The following CPNE4 variants were observed in gnomAD, a reference collection of about 807,000 sequenced individuals.
CPNE4 encodes the protein copine-4.
A neutral mutation model predicts 67.9 loss-of-function variants in CPNE4; 25 were observed. That is an observed-to-expected ratio of 0.37 (90% confidence interval 0.27 to 0.51). The LOEUF (loss-of-function observed/expected upper bound fraction) is 0.51. Among genes scored for constraint, CPNE4 ranks in the 20% least tolerant of loss-of-function variants. The pLI is 0.93. For synonymous variants in CPNE4, 242 were observed against 244.9 expected (o/e 0.99, Z 0.11); for missense variants, 464 against 690.8 (o/e 0.67, Z 3.68).
chr3:131,973,756 T>C (rs2072568118), intron 1 of CPNE4, among the ~76,000 whole-genome samples: 2 of 152,212 alleles, frequency 1.3e-5, no homozygotes, highest in Non-Finnish European at 2.9e-5. Context: ...AGTGGAAGAA[T>C]GGGCATGAAT....
chr3:131,937,841 C>T (rs1055552224), intron 1 of CPNE4, among the ~76,000 whole-genome samples: 11 of 151,786 alleles, frequency 7.2e-5, no homozygotes, highest in African/African-American at 2.4e-4. Context: ...ACAAAGTTAA[C>T]CAATAAGAAA....
At chr3:131,683,868 G>A (rs907696583) in intron 6 of CPNE4, among the ~76,000 whole-genome samples, 7 of 152,112 alleles carry the variant, frequency 4.6e-5, no homozygotes, top group African/African-American at 1.4e-4. Flanking sequence ...GGCTAGGACT[G>A]GTTTAAATTC....
At position 132,024,940 on chromosome 3, in the gene CPNE4, G is replaced by A. The variant is rs1478317313; in HGVS notation, c.-2+9627C>T. Among the ~76,000 whole-genome samples the A allele has an allele frequency of 3.3e-5, 5 of 152,108 alleles. No homozygotes were observed. In the East Asian group the frequency reaches 9.6e-4, roughly 29 times the overall value. ...ACATAAAGTAAATATTTAAGGCACT[G>A]GTTCCCAAAGTGTGGTGTCCAAACT... On this transcript the variant is annotated intron_variant, in intron 1 of 15. Transcript: ENST00000429747.
intron 15 of CPNE4, among the ~76,000 whole-genome samples, chr3:131,539,724 G>A (rs939379001): frequency 4.6e-5 from 7 of 152,288 alleles, no homozygotes; most frequent in Admixed American, 1.3e-4. Flanking sequence ...ATGCAGAGGG[G>A]AGAGAGGGTG....
rs182065592 is a variant in CPNE4 at position 131,675,688 on chromosome 3, G to T, written c.592-5924C>A. On this transcript the variant is annotated intron_variant, in intron 6 of 15. Transcript: ENST00000429747. Reference sequence around the variant, plus strand: ...TTTTCCATCCTTTTATTTTTAGTCTGTCTCTTTATAGGTAAAGTGTATTTT... The same window carrying T: ...TTTTCCATCCTTTTATTTTTAGTCTTTCTCTTTATAGGTAAAGTGTATTTT... Among the ~76,000 whole-genome samples, 40 of 151,820 alleles carry T rather than the reference G, an allele frequency of 2.6e-4. 1 individual carries two copies. The highest frequency in any genetic ancestry group is 9.2e-4 in the African/African-American group (38 of 41,438).
At chr3:131,735,213 G>C (rs974437786) in intron 2 of CPNE4, among the ~76,000 whole-genome samples, 1 of 152,202 alleles carries the variant, frequency 6.6e-6, no homozygotes, top group Non-Finnish European at 1.5e-5. Flanking sequence ...ACTAGGCCAT[G>C]CCAGGAAATG....
At chr3:131,642,208 A>C (rs2079558805) in intron 7 of CPNE4, among the ~76,000 whole-genome samples, 1 of 152,246 alleles carries the variant, frequency 6.6e-6, no homozygotes, top group African/African-American at 2.4e-5. Context: ...AGAATATTCA[A>C]ATATCTCCAG....
intron 2 of CPNE4, among the ~76,000 whole-genome samples, chr3:131,792,629 ATACACACGTGTATATATG>A (rs1408287545): frequency 4.8e-5 from 5 of 104,394 alleles, no homozygotes; most frequent in African/African-American, 1.6e-4. Context: ...GTATATATAT[ATACACACGTGTATATATG>A]TATATATACA....
At chr3:131,948,101 CT>C (rs2071613345) in intron 1 of CPNE4, among the ~76,000 whole-genome samples, 1 of 152,086 alleles carries the variant, frequency 6.6e-6, no homozygotes. Flanking sequence ...ACTTTTACTT[CT>C]TTGGGTAGAT....
Position 131,728,982 on chromosome 3 carries a change from T to C in CPNE4, c.181-5357A>G, listed in dbSNP as rs139040871. ...AAACAATTCAAGACTATTTGTACAA[T>C]GGCCATCTATTCTCTGGGACTTCCA... On this transcript the variant is annotated intron_variant, in intron 2 of 15. Coordinates refer to ENST00000429747, the MANE Select transcript of CPNE4 (RefSeq NM_130808.3). Among the ~76,000 whole-genome samples the C allele has an allele frequency of 5.5e-3, 836 of 151,204 alleles. 7 individuals carry two copies. Among genetic ancestry groups the C allele is most frequent in the African/African-American group, 0.02 (802 of 41,128 alleles).
chr3:131,672,845 G>A (rs2080458745), intron 6 of CPNE4, among the ~76,000 whole-genome samples: 1 of 151,722 alleles, frequency 6.6e-6, no homozygotes, highest in African/African-American at 2.4e-5. Flanking sequence ...TTAACTTGAT[G>A]TGATCCCCTT....
At chr3:131,824,710 G>C (rs922042577) in intron 2 of CPNE4, among the ~76,000 whole-genome samples, 3 of 152,144 alleles carry the variant, frequency 2.0e-5, no homozygotes, top group African/African-American at 7.2e-5. Flanking sequence ...TGGGGTGTCT[G>C]TTGTTTTGTA....
At chr3:131,792,619 G>GTGTA (rs1312726310) in intron 2 of CPNE4, among the ~76,000 whole-genome samples, 2 of 56,988 alleles carry the variant, frequency 3.5e-5, no homozygotes, top group African/African-American at 5.6e-5. Context: ...GTGTATATAT[G>GTGTA]TATATATATA....
intron 9 of CPNE4, among the ~76,000 whole-genome samples, chr3:131,578,145 C>T (rs1937597611): frequency 6.6e-6 from 1 of 152,080 alleles, no homozygotes; most frequent in Non-Finnish European, 1.5e-5. Flanking sequence ...TTGCATTGAG[C>T]AATACTATTG....
chr3:131,700,936 C>G (rs2107704742), intron 3 of CPNE4, among the ~76,000 whole-genome samples: 1 of 152,044 alleles, frequency 6.6e-6, no homozygotes, highest in East Asian at 1.9e-4. Flanking sequence ...GAGTTCATGT[C>G]CTTTGTAGGG....
chr3:132,034,227 C>A (rs569581426), intron 1 of CPNE4, among the ~76,000 whole-genome samples: 1 of 151,968 alleles, frequency 6.6e-6, no homozygotes, highest in African/African-American at 2.4e-5. Flanking sequence ...TTTTGAAAAC[C>A]GTACCCCTTC....
At chr3:131,806,551 A>G (rs2084321074) in intron 2 of CPNE4, among the ~76,000 whole-genome samples, 1 of 107,612 alleles carries the variant, frequency 9.3e-6, no homozygotes, top group Admixed American at 9.1e-5. Context: ...CTCCGTCTCA[A>G]AAAAAAAAAA....
chr3:131,964,421 C>G (rs539093484), intron 1 of CPNE4, among the ~76,000 whole-genome samples: 2 of 151,872 alleles, frequency 1.3e-5, no homozygotes, highest in Non-Finnish European at 2.9e-5. Flanking sequence ...ATAACAAACT[C>G]CTCTGAGCTA....
At chr3:131,946,239 A>C (rs2071548496) in intron 1 of CPNE4, among the ~76,000 whole-genome samples, 1 of 151,972 alleles carries the variant, frequency 6.6e-6, no homozygotes, top group Non-Finnish European at 1.5e-5. Flanking sequence ...GGATTTCTCT[A>C]TTCTGAATAT....
Sources: allele counts gnomAD v4.1 joint callset (sites outside exome capture counted in the v4.1 genomes callset), GRCh38; gene constraint gnomAD v4.1.1; transcripts MANE v1.5; gene names NCBI Gene and HGNC (gene_info 2026-07-23, HGNC 2026-07-21).